The following MTOR variants were observed in gnomAD, a reference collection of about 807,000 sequenced individuals.
MTOR encodes mechanistic target of rapamycin kinase, also known as serine/threonine-protein kinase mTOR.
In MTOR, 70 loss-of-function variants were observed where a neutral mutation model predicts 319.8. That is an observed-to-expected ratio of 0.22 (90% CI 0.18 to 0.27). The LOEUF (loss-of-function observed/expected upper bound fraction) is 0.27. Ranked by LOEUF, MTOR falls within the 10% of genes least tolerant of loss-of-function variation. The pLI, the probability that MTOR is intolerant of heterozygous loss-of-function variation, is 1.00. For synonymous variants in MTOR, 1,183 were observed against 1,211.4 expected (o/e 0.98, Z 0.49); for missense variants, 1,890 against 3,274.4 (o/e 0.58, Z 10.32).
At chr1:11,224,464 C>T (rs1055904520) in intron 19 of MTOR, among the ~76,000 whole-genome samples, 4 of 151,992 alleles carry the variant, frequency 2.6e-5, no homozygotes, top group African/African-American at 9.7e-5. Context: ...AAAAAGCCCA[C>T]CAATGTAAAG....
intron 28 of MTOR, among the ~76,000 whole-genome samples, chr1:11,172,737 C>T (rs1035726566): frequency 2.6e-5 from 4 of 151,618 alleles, no homozygotes; most frequent in Admixed American, 6.6e-5. Context: ...AGCGTGGTGG[C>T]GAACGCCTGT....
chr1:11,136,138 A>AAAAC (rs892372920), intron 36 of MTOR, among the ~76,000 whole-genome samples: 54 of 152,346 alleles, frequency 3.5e-4, no homozygotes, highest in African/African-American at 1.0e-3. Context: ...CTGTCTCAAA[A>AAAAC]AAACAAACAA....
intron 46 of MTOR, 149 bp from the exon 47 acceptor site, chr1:11,124,782 T>A: frequency 2.1e-6 from 2 of 944,816 alleles, no homozygotes; most frequent in Non-Finnish European, 3.0e-6. Flanking sequence ...TCTTTAGAAT[T>A]AATGAAAAGA....
rs1400423753 is a variant in MTOR, at chr1:11,133,201, G to A, written c.5247-4C>T. 2 of 1,613,578 alleles carry A rather than the reference G, an allele frequency of 1.2e-6. No individual in the cohort carries two copies. Among genetic ancestry groups the A allele is most frequent in the Non-Finnish European group, 1.7e-6 (2 of 1,179,520 alleles). ...CTCTCCAAGTTTCAGGAAGCATCTG[G>A]AAGCAGAGAAACAAGCCCCCATGAC... On this transcript the variant is annotated splice_region_variant and splice_polypyrimidine_tract_variant and intron_variant, in intron 37 of 57. Coordinates refer to ENST00000361445, the MANE Select transcript of MTOR (RefSeq NM_004958.4). The surrounding 1 kb of genome is among the most constrained non-coding windows in gnomAD (Gnocchi z 4.0).
chr1:11,177,914 C>T (rs557242919), intron 28 of MTOR, among the ~76,000 whole-genome samples: 84 of 152,258 alleles, frequency 5.5e-4, no homozygotes, highest in Middle Eastern at 3.4e-3. Flanking sequence ...CTTTTACCTG[C>T]GCATATTCTG....
intron 32 of MTOR, 73 bp downstream of exon 32, chr1:11,146,603 C>G: frequency 8.5e-7 from 1 of 1,177,002 alleles, no homozygotes; most frequent in East Asian, 2.3e-5. Context: ...AGCTTCTTTA[C>G]CAAAGCACCG....
intron 29 of MTOR, among the ~76,000 whole-genome samples, chr1:11,163,255 G>A (rs1407020513): frequency 2.0e-5 from 3 of 152,076 alleles, no homozygotes; most frequent in Non-Finnish European, 2.9e-5. Context: ...ATATATATGC[G>A]CCCAGTACAG....
At position 11,261,049 on chromosome 1, in the gene MTOR, C is replaced by T. The variant is rs367832372; in HGVS notation, c.-15+1396G>A. ...TCAGGTGATCTGCCCGCCTTGGCCT[C>T]CCAAAGTGCTGGGATTACAGGTGTG... On this transcript the variant is annotated intron_variant, in intron 1 of 57. Transcript: ENST00000361445. Among the ~76,000 whole-genome samples the T allele has an allele frequency of 1.6e-4, 25 of 151,948 alleles. No individual in the cohort carries two copies. In the South Asian group the frequency reaches 5.0e-3, roughly 30 times the overall value.
At chr1:11,205,062 C>A (rs1478902593) in intron 25 of MTOR, among the ~76,000 whole-genome samples, 1 of 152,164 alleles carries the variant, frequency 6.6e-6, no homozygotes, top group African/African-American at 2.4e-5. Context: ...AACACCAGCT[C>A]ATCTGACAGT....
chr1:11,142,650 T>A (rs1229256910), intron 34 of MTOR, among the ~76,000 whole-genome samples: 1 of 151,868 alleles, frequency 6.6e-6, no homozygotes, highest in Non-Finnish European at 1.5e-5. Flanking sequence ...AGAAGGGGAG[T>A]TCCTGAGATC....
intron 36 of MTOR, among the ~76,000 whole-genome samples, chr1:11,138,201 T>A (rs1042589991): frequency 1.3e-5 from 2 of 152,192 alleles, no homozygotes; most frequent in African/African-American, 2.4e-5. Context: ...GAAACCAGAC[T>A]ATACTCAGAT....
intron 28 of MTOR, among the ~76,000 whole-genome samples, chr1:11,182,252 G>A (rs953503574): frequency 2.0e-5 from 3 of 151,804 alleles, no homozygotes; most frequent in African/African-American, 4.8e-5. Flanking sequence ...TGAAATAAGT[G>A]CTTTTGTGGC....
chr1:11,145,363 A>G (rs924660935), intron 32 of MTOR: 6 of 328,976 alleles, frequency 1.8e-5, no homozygotes, highest in Non-Finnish European at 3.4e-5. Flanking sequence ...TCAAGAGGAC[A>G]TAACTGGGGA....
intron 29 of MTOR, among the ~76,000 whole-genome samples, chr1:11,161,828 T>C (rs1299742172): frequency 6.6e-6 from 1 of 152,100 alleles, no homozygotes; most frequent in Non-Finnish European, 1.5e-5. Flanking sequence ...ACCACAAAGA[T>C]GGGGAGAAAC....
intron 34 of MTOR, among the ~76,000 whole-genome samples, chr1:11,143,241 G>A (rs990597647): frequency 4.6e-5 from 7 of 152,192 alleles, no homozygotes; most frequent in East Asian, 1.9e-4. Context: ...GGAAAGTCAC[G>A]AAGGCTTAAG....
chr1:11,259,167 T>C (rs536449649), intron 2 of MTOR, 81 bp downstream of exon 2: 9 of 1,531,070 alleles, frequency 5.9e-6, no homozygotes, highest in South Asian at 1.2e-5. Flanking sequence ...CTCACTTAGC[T>C]GTACAAAAAA....
Position 11,129,689 on chromosome 1 carries a change from T to G in MTOR, c.5714+49A>C. 1 of 1,523,872 alleles carries G rather than the reference T, an allele frequency of 6.6e-7. No homozygotes were observed. The highest frequency in any genetic ancestry group is 2.3e-5 in the East Asian group (1 of 44,322). 94.4% of individuals were successfully genotyped at this position (1,523,872 alleles called of 1,614,324 possible). On this transcript the variant is annotated intron_variant, in intron 40 of 57. Coordinates refer to ENST00000361445, the MANE Select transcript of MTOR (RefSeq NM_004958.4). This position sits in a 1 kb window ranked among gnomAD's most constrained non-coding sequence, Gnocchi z 4.7. ...GACTTTTACGTGTGACTTCTAGGTC[T>G]TGCCATTAACATGGCCTACCAGAGT...
intron 30 of MTOR, among the ~76,000 whole-genome samples, chr1:11,150,669 A>G (rs1313243983): frequency 6.6e-6 from 1 of 152,236 alleles, no homozygotes; most frequent in Non-Finnish European, 1.5e-5. Flanking sequence ...GTCTGAAATG[A>G]AACCCAGATG....
Position 11,257,056 on chromosome 1 carries a change from G to C in MTOR, c.381C>G (p.Ser127=). ...CCATGGCAAGACGGCCAATGGCCTT[G>C]GATGCCATTTCCATGACAACTGGGT... ...SNDPVVMEMA[S]KAIGRLAMAG... is the part of the protein sequence containing the mutation. The change falls in exon 4 of 58, where the codon TCC becomes TCG. Residue 127 remains serine, a synonymous_variant. Transcript: ENST00000361445. 4 of 1,614,150 alleles carry C rather than the reference G, an allele frequency of 2.5e-6. No homozygotes were observed. Among genetic ancestry groups the C allele is most frequent in the Non-Finnish European group, 3.4e-6 (4 of 1,180,022 alleles).
Sources: gnomAD v4.1 joint callset for allele counts (sites outside exome capture counted in the v4.1 genomes callset) on GRCh38, gnomAD v4.1.1 for gene constraint, Gnocchi (gnomAD v3.1) non-coding constraint, MANE v1.5 for transcripts, NCBI Gene and HGNC (gene_info 2026-07-23, HGNC 2026-07-21) for gene names.